Variants in FSTL4 observed in about 807,000 individuals in gnomAD.
FSTL4 encodes the protein follistatin like 4, also known as follistatin-related protein 4.
Under a neutral mutation model 78.2 loss-of-function variants are expected in FSTL4, and 28 were observed. The observed-to-expected ratio is 0.36, with a 90% confidence interval of 0.27 to 0.49. The LOEUF (loss-of-function observed/expected upper bound fraction) is 0.49. Among genes scored for constraint, FSTL4 ranks in the 20% least tolerant of loss-of-function variants. The pLI, the probability that FSTL4 is intolerant of heterozygous loss-of-function variation, is 0.98. For missense variants in FSTL4, 922 were observed against 1,084.9 expected (o/e 0.85, Z 2.11); for synonymous variants, 422 against 440.5 (o/e 0.96, Z 0.53).
In FSTL4 at chr5:133,236,694, C is replaced by T. The variant is rs965052211; in HGVS notation, c.895-3157G>A. ...CAGCCCCTCTCAGACCCTACTGCCT[C>T]GCACACTCCCCTTGCTGTTGCTCTA... is the stretch of plus-strand genomic sequence containing the variant. On this transcript the variant is annotated intron_variant, in intron 7 of 15. Coordinates refer to ENST00000265342, the MANE Select transcript of FSTL4 (RefSeq NM_015082.2). The surrounding 1 kb of genome is among the most constrained non-coding windows in gnomAD (Gnocchi z 5.0). Among the ~76,000 whole-genome samples, 2 of 152,220 alleles carry T rather than the reference C, an allele frequency of 1.3e-5. No homozygotes were observed. Among genetic ancestry groups the T allele is most frequent in the South Asian group, 2.1e-4 (1 of 4,822 alleles).
chr5:133,793,735 C>T, the FSTL4 span, among the ~76,000 whole-genome samples: 4 of 152,226 alleles, frequency 2.6e-5, no homozygotes, highest in African/African-American at 9.6e-5. Context: ...TCAGGGTCAG[C>T]ACCACCTCCT....
At chr5:133,240,310 C>T (rs1252963342) in intron 7 of FSTL4, among the ~76,000 whole-genome samples, 1 of 152,234 alleles carries the variant, frequency 6.6e-6, no homozygotes, top group Admixed American at 6.5e-5. Context: ...AATAGACGGA[C>T]TTGCCATCCT....
chr5:133,599,321 A>T (rs1463926814), intron 2 of FSTL4, among the ~76,000 whole-genome samples: 2 of 152,130 alleles, frequency 1.3e-5, no homozygotes, highest in South Asian at 2.1e-4. Context: ...ACTTGTAGCA[A>T]GGGGAAGGGG....
chr5:133,348,702 AGCCG>A (rs1295081783), intron 4 of FSTL4, among the ~76,000 whole-genome samples: 2 of 152,200 alleles, frequency 1.3e-5, no homozygotes, highest in Non-Finnish European at 2.9e-5. Context: ...CAGAACTCAT[AGCCG>A]GCTACCTCTG....
At chr5:133,478,768 T>A (rs42547) in intron 3 of FSTL4, among the ~76,000 whole-genome samples, 43,827 of 151,802 alleles carry the variant, frequency 0.29, 9,384 homozygotes, top group African/African-American at 0.61. Flanking sequence ...GTGCAGTTTC[T>A]GCTTGGGGCT....
chr5:133,417,958 TAAAAA>T (rs527415337), intron 3 of FSTL4, among the ~76,000 whole-genome samples: 2 of 51,128 alleles, frequency 3.9e-5, no homozygotes, highest in Non-Finnish European at 6.9e-5. Context: ...GACTCCATCT[TAAAAA>T]AAAAAAAAAA....
At chr5:133,312,288 C>T (rs1753803708) in intron 6 of FSTL4, 1 of 189,740 alleles carries the variant, frequency 5.3e-6, no homozygotes, top group African/African-American at 2.4e-5. Context: ...AGGTAGGGCT[C>T]CCCACATGGC....
chr5:133,581,771 G>C (rs1214911448), intron 2 of FSTL4, among the ~76,000 whole-genome samples: 1 of 152,240 alleles, frequency 6.6e-6, no homozygotes, highest in African/African-American at 2.4e-5. Context: ...GTGGGACACA[G>C]GCATCAGCAT....
chr5:133,355,868 A>T (rs1488559838), intron 4 of FSTL4, among the ~76,000 whole-genome samples: 2 of 152,072 alleles, frequency 1.3e-5, no homozygotes, highest in African/African-American at 4.8e-5. Context: ...TGAAACCAAC[A>T]CCCATGGCTG....
intron 2 of FSTL4, among the ~76,000 whole-genome samples, chr5:133,598,433 C>A (rs561421164): frequency 1.3e-5 from 2 of 152,104 alleles, no homozygotes; most frequent in Non-Finnish European, 2.9e-5. Flanking sequence ...CCCCATTCTG[C>A]AATTGGGAAT....
At chr5:133,450,168 C>A (rs909451586) in intron 3 of FSTL4, among the ~76,000 whole-genome samples, 1 of 152,182 alleles carries the variant, frequency 6.6e-6, no homozygotes, top group Non-Finnish European at 1.5e-5. Context: ...TCTCCATGCC[C>A]AAGGAAAAAA....
At chr5:133,394,742 C>T (rs2126965050) in intron 4 of FSTL4, among the ~76,000 whole-genome samples, 1 of 152,364 alleles carries the variant, frequency 6.6e-6, no homozygotes, top group South Asian at 2.1e-4. Context: ...TGCGGGTGCA[C>T]TGCGCGGGAC....
At chr5:133,496,520 G>C (rs555997234) in intron 3 of FSTL4, among the ~76,000 whole-genome samples, 3 of 152,304 alleles carry the variant, frequency 2.0e-5, no homozygotes, top group Admixed American at 2.0e-4. Context: ...TGTGTTGTAG[G>C]CAAAGATCTG....
chr5:133,231,900 C>A (rs1277674773), intron 8 of FSTL4, among the ~76,000 whole-genome samples: 2 of 152,112 alleles, frequency 1.3e-5, no homozygotes, highest in Non-Finnish European at 2.9e-5. Context: ...ACACAAAGGC[C>A]CGCTGTCTTT....
chr5:133,480,740 C>T (rs932768660), intron 3 of FSTL4, among the ~76,000 whole-genome samples: 1 of 152,128 alleles, frequency 6.6e-6, no homozygotes, highest in Admixed American at 6.5e-5. Flanking sequence ...AGACCTTAAA[C>T]CTCTGCTCCG....
intron 4 of FSTL4, among the ~76,000 whole-genome samples, chr5:133,384,332 G>A (rs761764988): frequency 1.3e-5 from 2 of 152,242 alleles, no homozygotes; most frequent in African/African-American, 2.4e-5. Context: ...TCCAGACGGG[G>A]TGGTGACAGG....
intron 4 of FSTL4, among the ~76,000 whole-genome samples, chr5:133,335,649 C>A (rs1177769307): frequency 1.3e-5 from 2 of 150,696 alleles, no homozygotes; most frequent in South Asian, 2.1e-4. Context: ...TTCTAGAAAG[C>A]CTTCCCTGAA....
intron 3 of FSTL4, among the ~76,000 whole-genome samples, chr5:133,424,226 G>A (rs1756758883): frequency 6.6e-6 from 1 of 152,190 alleles, no homozygotes; most frequent in African/African-American, 2.4e-5. Context: ...ACATCCAAGC[G>A]TTTGCTGAGT....
intron 14 of FSTL4, among the ~76,000 whole-genome samples, chr5:133,209,231 A>G (rs1750624773): frequency 6.6e-6 from 1 of 152,126 alleles, no homozygotes; most frequent in Non-Finnish European, 1.5e-5. Context: ...GCCTCAGAGT[A>G]TAGAAACTGA....
Sources: allele counts gnomAD v4.1 joint callset (sites outside exome capture counted in the v4.1 genomes callset), GRCh38; gene constraint gnomAD v4.1.1; non-coding constraint Gnocchi (gnomAD v3.1); transcripts MANE v1.5; gene names NCBI Gene and HGNC (gene_info 2026-07-23, HGNC 2026-07-21).